The following CUX2 variants were observed in gnomAD, a reference collection of about 807,000 sequenced individuals.
CUX2 encodes the protein cut like homeobox 2, also known as homeobox protein cut-like 2.
In CUX2, 40 loss-of-function variants were observed where a neutral mutation model predicts 144.8. The ratio of observed to expected loss-of-function variants is 0.28; its 90% CI spans 0.21 to 0.36. The LOEUF is 0.36. Ranked by LOEUF, CUX2 falls within the 10% of genes least tolerant of loss-of-function variation. The pLI is 1.00. For missense variants in CUX2, 1,615 were observed against 1,994.0 expected (o/e 0.81, Z 3.62); for synonymous variants, 827 against 875.6 (o/e 0.94, Z 0.98).
chr12:111,079,779 GT>G (rs967388045), intron 1 of CUX2, among the ~76,000 whole-genome samples: 18 of 152,340 alleles, frequency 1.2e-4, no homozygotes, highest in Middle Eastern at 3.4e-3. Context: ...GTCCAGGTCA[GT>G]TTGTGTGGGT....
rs1592857075 is a variant in CUX2 at position 111,061,531 on chromosome 12, G to C, written c.63+27291G>C. 6.6e-6 allele frequency among the ~76,000 whole-genome samples: 1 copy of C among 152,300 alleles called. No homozygotes were observed. The highest frequency in any genetic ancestry group is 1.9e-4 in the East Asian group (1 of 5,188). On this transcript the variant is annotated intron_variant, in intron 1 of 21. Coordinates refer to ENST00000261726, the MANE Select transcript of CUX2 (RefSeq NM_015267.4). The surrounding 1 kb of genome is among the most constrained non-coding windows in gnomAD (Gnocchi z 4.2). ...AGAGAAAAGAGGAAGAAGGAGACTG[G>C]AAGAACACCCTTTGGCATGGTGTGT... is the stretch of plus-strand genomic sequence containing the variant.
At chr12:111,109,019 G>A (rs555574327) in intron 1 of CUX2, among the ~76,000 whole-genome samples, 1 of 152,304 alleles carries the variant, frequency 6.6e-6, no homozygotes, top group African/African-American at 2.4e-5. Context: ...CCCTTTCAGG[G>A]CATGGAGATT....
At chr12:111,088,731 C>T (rs551339411) in intron 1 of CUX2, among the ~76,000 whole-genome samples, 109 of 152,176 alleles carry the variant, frequency 7.2e-4, no homozygotes, top group Non-Finnish European at 1.3e-3. Flanking sequence ...GAGTGTCAGG[C>T]CCTGAGCCCT....
intron 3 of CUX2, among the ~76,000 whole-genome samples, chr12:111,242,991 A>G (rs2136262381): frequency 6.6e-6 from 1 of 152,210 alleles, no homozygotes; most frequent in East Asian, 1.9e-4. Context: ...GCTGAATATG[A>G]TGGTTTCCAG....
At chr12:111,332,128 C>CTTTTT (rs765789593) in intron 18 of CUX2, among the ~76,000 whole-genome samples, 3 of 119,596 alleles carry the variant, frequency 2.5e-5, no homozygotes, top group African/African-American at 1.1e-4. Flanking sequence ...ATCTGTCTAC[C>CTTTTT]TTTTTTTTTT....
chr12:111,054,533 AG>A, intron 1 of CUX2, among the ~76,000 whole-genome samples: 1 of 152,268 alleles, frequency 6.6e-6, no homozygotes, highest in African/African-American at 2.4e-5. Flanking sequence ...ATTTATTTCT[AG>A]TTTAACAAGC....
chr12:111,167,646 A>G (rs1231494164), intron 1 of CUX2, among the ~76,000 whole-genome samples: 1 of 151,960 alleles, frequency 6.6e-6, no homozygotes, highest in Non-Finnish European at 1.5e-5. Context: ...AATCCTCCTA[A>G]CAATCCTATT....
intron 1 of CUX2, among the ~76,000 whole-genome samples, chr12:111,211,868 CAG>C (rs1187167119): frequency 6.9e-6 from 1 of 145,074 alleles, no homozygotes; most frequent in Admixed American, 7.0e-5. Context: ...GCCTGGGCGA[CAG>C]AGTGAGACTC....
rs528033292 is a variant in CUX2, at chr12:111,121,415, C to G, written c.63+87175C>G. Among the ~76,000 whole-genome samples, 13 of 107,830 alleles carry G rather than the reference C, an allele frequency of 1.2e-4. No homozygotes were observed. The South Asian group carries it at 3.8e-3, about 32-fold the overall frequency. 70.7% of individuals were successfully genotyped at this position (107,830 alleles called of 152,430 possible). On this transcript the variant is annotated intron_variant, in intron 1 of 21. Transcript: ENST00000261726. ...TTTTTGAGACGGATTCTTGCTCTAT[C>G]GCCCAAGCTGGAGGGCTATGGCGCG...
Position 111,312,028 on chromosome 12 carries a change from C to T in CUX2, c.1901-72C>T. On this transcript the variant is annotated intron_variant, in intron 15 of 21. Coordinates refer to ENST00000261726, the MANE Select transcript of CUX2 (RefSeq NM_015267.4). This position sits in a 1 kb window ranked among gnomAD's most constrained non-coding sequence, Gnocchi z 4.3. ...TCTTCTGGGAGGAGGAGACAGCCCC[C>T]CTACCCCACCAGGCTCCGGAGACTG... 1.4e-6 allele frequency: 2 copies of T among 1,379,784 alleles called. No individual in the cohort carries two copies. Among genetic ancestry groups the T allele is most frequent in the Non-Finnish European group, 2.0e-6 (2 of 995,480 alleles). The allele number at this position is 1,379,784 out of a possible 1,614,324, so 85.5% of individuals were successfully genotyped here. A position where few individuals can be genotyped will look rare whatever the true frequency, so the allele number is the denominator to read the frequency against.
chr12:111,182,844 T>C (rs1879273619), intron 1 of CUX2, among the ~76,000 whole-genome samples: 1 of 152,132 alleles, frequency 6.6e-6, no homozygotes, highest in African/African-American at 2.4e-5. Flanking sequence ...CAAAAGGACA[T>C]TCCAGGGGAG....
At chr12:111,225,041 G>A (rs987180469) in intron 3 of CUX2, among the ~76,000 whole-genome samples, 1 of 152,154 alleles carries the variant, frequency 6.6e-6, no homozygotes, top group African/African-American at 2.4e-5. Context: ...GAGTAGCTGG[G>A]ACTATAGGCG....
chr12:111,348,537 C>T lies in CUX2; in HGVS notation c.*212C>T, dbSNP rs1482707629. ...GCCATTGCCTCCACTTTTCTGCACC[C>T]CCCTGCTCCTCTTCACCCTGACCCC... is the stretch of plus-strand genomic sequence containing the variant. On this transcript the variant is annotated 3_prime_UTR_variant, in exon 22 of 22. Transcript: ENST00000261726. 1 of 574,670 alleles carries T rather than the reference C, an allele frequency of 1.7e-6. No homozygotes were observed. Among genetic ancestry groups the T allele is most frequent in the Non-Finnish European group, 3.0e-6 (1 of 327,954 alleles). The allele number at this position is 574,670 out of a possible 1,614,324, so 35.6% of individuals were successfully genotyped here.
chr12:111,161,317 G>A (rs1386211816), intron 1 of CUX2, among the ~76,000 whole-genome samples: 1 of 152,114 alleles, frequency 6.6e-6, no homozygotes, highest in African/African-American at 2.4e-5. Context: ...TAGGGCTGGG[G>A]GATCATGAGG....
chr12:111,280,773 C>T (rs1327873446), intron 4 of CUX2, among the ~76,000 whole-genome samples: 3 of 152,130 alleles, frequency 2.0e-5, no homozygotes, highest in African/African-American at 7.2e-5. Context: ...TGTGCATCCT[C>T]TCTTCTTCTC....
At position 111,322,902 on chromosome 12, in the gene CUX2, T is replaced by C. The variant is rs1016166581; in HGVS notation, c.2926+322T>C. On this transcript the variant is annotated intron_variant, in intron 18 of 21. Transcript: ENST00000261726. The surrounding 1 kb of genome is among the most constrained non-coding windows in gnomAD (Gnocchi z 4.2). ...TGTGTTTTGCATGTGGAGTCCCACATCTGGAATTGCTCATCGATCTCAGCT... is the reference window on the plus strand; with the variant it reads ...TGTGTTTTGCATGTGGAGTCCCACACCTGGAATTGCTCATCGATCTCAGCT... Among the ~76,000 whole-genome samples the C allele has an allele frequency of 6.6e-6, 1 of 152,198 alleles. No individual in the cohort carries two copies. Among genetic ancestry groups the C allele is most frequent in the Non-Finnish European group, 1.5e-5 (1 of 68,030 alleles).
chr12:111,308,535 G>C lies in CUX2; in HGVS notation c.1258+9G>C. 1 of 1,603,016 alleles carries C rather than the reference G, an allele frequency of 6.2e-7. No individual in the cohort carries two copies. On this transcript the variant is annotated intron_variant, in intron 14 of 21. Transcript: ENST00000261726. ...CCTCCTGGCCAGCCCTGGTAGGGGA[G>C]GAGGATACTCTGGGGCTGAGGGCTG...
At chr12:111,112,329 C>T (rs145956620) in intron 1 of CUX2, among the ~76,000 whole-genome samples, 183 of 152,194 alleles carry the variant, frequency 1.2e-3, no homozygotes, top group African/African-American at 3.9e-3. Context: ...GCAAAGAAGC[C>T]GAACCTGGGT....
intron 1 of CUX2, among the ~76,000 whole-genome samples, chr12:111,098,480 G>A (rs967151152): frequency 2.6e-5 from 4 of 152,126 alleles, no homozygotes; most frequent in East Asian, 1.9e-4. Context: ...GGGGATTCCC[G>A]GGTACAGGCC....
Sources: gnomAD v4.1 joint callset for allele counts (sites outside exome capture counted in the v4.1 genomes callset) on GRCh38, gnomAD v4.1.1 for gene constraint, Gnocchi (gnomAD v3.1) non-coding constraint, MANE v1.5 for transcripts, NCBI Gene and HGNC (gene_info 2026-07-23, HGNC 2026-07-21) for gene names.